Variants in REPS2 observed in about 807,000 individuals in gnomAD.
REPS2 encodes the protein RALBP1 associated Eps domain containing 2.
A neutral mutation model predicts 53.6 loss-of-function variants in REPS2; 23 were observed. The ratio of observed to expected loss-of-function variants is 0.43; its 90% CI spans 0.31 to 0.61. The LOEUF is 0.61. REPS2 is among the 20% of genes least tolerant of loss of function. REPS2 has a pLI of 0.11. For missense variants in REPS2, 446 were observed against 534.9 expected, an observed-to-expected ratio of 0.83 and a Z score of 1.64; for synonymous variants, 238 against 218.6, an observed-to-expected ratio of 1.09 and a Z score of -0.78.
At chrX:17,062,984 A>T (rs1360620877) in intron 9 of REPS2, among the ~76,000 whole-genome samples, 1 of 112,018 alleles carries the variant, frequency 8.9e-6, no homozygotes, top group Non-Finnish European at 1.9e-5. Context: ...CCCAAATCAC[A>T]TTCGGAACTC....
chrX:16,947,119 C>T lies in REPS2; in HGVS notation c.258C>T (p.Ala86=). Residue 86 remains alanine, a synonymous_variant, in exon 1 of 18, where the codon GCC becomes GCT. Transcript: ENST00000357277. ...TGTTTCGGGCATCGCAGCTGCCCGC[C>T]GAGACGCTGCACCAGGTGGGTCCCT... ...ADLFRASQLP[A]ETLHQITELC... 9.2e-7 allele frequency: 1 copy of T among 1,092,693 alleles called. No individual in the cohort carries two copies. Among genetic ancestry groups the T allele is most frequent in the Admixed American group, 3.0e-5 (1 of 33,051 alleles). 90.1% of individuals were successfully genotyped at this position (1,092,693 alleles called of 1,213,427 possible). A position where few individuals can be genotyped will look rare whatever the true frequency, so the allele number is the denominator to read the frequency against.
intron 6 of REPS2, among the ~76,000 whole-genome samples, chrX:17,050,194 C>CTTTCTTTCTTTCTTTCTTTTTT (rs1223989029): frequency 1.9e-5 from 1 of 51,801 alleles, no homozygotes; most frequent in Non-Finnish European, 3.1e-5. Context: ...TTCTTTCTTT[C>CTTTCTTTCTTTCTTTCTTTTTT]TTTTTTTTTT....
At chrX:17,163,126 A>C in the REPS2 span, among the ~76,000 whole-genome samples, 1 of 111,872 alleles carries the variant, frequency 8.9e-6, no homozygotes, top group South Asian at 3.7e-4. Context: ...TTAAAAACTA[A>C]ATGAGAATGT....
chrX:17,179,870 G>A, the REPS2 span, among the ~76,000 whole-genome samples: 1 of 112,097 alleles, frequency 8.9e-6, no homozygotes, highest in African/African-American at 3.2e-5. Context: ...TGTATATCCT[G>A]TTTGTACCTT....
the REPS2 span, among the ~76,000 whole-genome samples, chrX:17,180,624 TCA>T: frequency 0.2 from 20,786 of 104,925 alleles, 2,141 homozygotes; most frequent in African/African-American, 0.39. Flanking sequence ...TCTCTCTCTC[TCA>T]CACACACACA....
intron 17 of REPS2, among the ~76,000 whole-genome samples, chrX:17,144,473 G>A (rs779740570): frequency 8.9e-6 from 1 of 112,456 alleles, no homozygotes; most frequent in Non-Finnish European, 1.9e-5. Flanking sequence ...ATTCTCCTAC[G>A]TAAAATCAAG....
At chrX:16,993,748 T>C (rs748158706) in intron 1 of REPS2, among the ~76,000 whole-genome samples, 3 of 112,426 alleles carry the variant, frequency 2.7e-5, no homozygotes, top group African/African-American at 9.7e-5. Flanking sequence ...TGGTGTGTTA[T>C]ACAGTAGTAG....
Position 16,975,201 on chromosome X carries a change from G to A in REPS2, c.273+28067G>A, listed in dbSNP as rs181414933. On this transcript the variant is annotated intron_variant, in intron 1 of 17. Transcript: ENST00000357277. ...TACGCTTGCATGTGTCTTTATGGTA[G>A]AATGATTTATATTCCTTTGGGTCTA... Among the ~76,000 whole-genome samples, 384 of 112,205 alleles carry A rather than the reference G, an allele frequency of 3.4e-3. 1 individual carries two copies. The highest frequency in any genetic ancestry group is 0.012 in the African/African-American group (369 of 30,886).
At chrX:17,126,997 A>T (rs1014811336) in intron 14 of REPS2, among the ~76,000 whole-genome samples, 2 of 111,976 alleles carry the variant, frequency 1.8e-5, no homozygotes, top group Non-Finnish European at 3.8e-5. Context: ...AATCTGCCTC[A>T]TTTTATTCTG....
Position 17,015,442 on chromosome X carries a change from G to C in REPS2, c.398-6681G>C, listed in dbSNP as rs2061479357. 9.1e-5 allele frequency among the ~76,000 whole-genome samples: 10 copies of C among 109,340 alleles called. No individual in the cohort carries two copies. The Admixed American group carries it at 9.7e-4, about 11-fold the overall frequency. 94.9% of individuals were successfully genotyped at this position (109,340 alleles called of 115,157 possible). A position where few individuals can be genotyped will look rare whatever the true frequency, so the allele number is the denominator to read the frequency against. ...TATTATTATTATACTTTAAGTTTTAGGGTACATGTGCACAACGTGCAGGTT... is the reference window on the plus strand; with the variant it reads ...TATTATTATTATACTTTAAGTTTTACGGTACATGTGCACAACGTGCAGGTT... On this transcript the variant is annotated intron_variant, in intron 2 of 17. Transcript: ENST00000357277.
intron 14 of REPS2, among the ~76,000 whole-genome samples, chrX:17,121,208 G>A (rs1160051465): frequency 8.9e-6 from 1 of 112,152 alleles, no homozygotes; most frequent in East Asian, 2.8e-4. Flanking sequence ...AAACAAGCCT[G>A]TCCAGAGAAA....
At position 16,981,706 on chromosome X, in the gene REPS2, G is replaced by T. The variant is rs112255995; in HGVS notation, c.274-24515G>T. On this transcript the variant is annotated intron_variant, in intron 1 of 17. Transcript: ENST00000357277. ...TTATCCTTACCCGTAGGCAAAAATT[G>T]TATTACATTTATTTTACAGTGATCT... 5.4e-3 allele frequency among the ~76,000 whole-genome samples: 604 copies of T among 111,931 alleles called. 5 individuals are homozygous for T. Among genetic ancestry groups the T allele is most frequent in the African/African-American group, 0.019 (581 of 30,812 alleles).
At chrX:17,034,268 A>G (rs972981816) in intron 5 of REPS2, among the ~76,000 whole-genome samples, 4 of 111,233 alleles carry the variant, frequency 3.6e-5, no homozygotes, top group Non-Finnish European at 5.7e-5. Context: ...ATATATTAAT[A>G]TGTGTGTGTA....
intron 1 of REPS2, among the ~76,000 whole-genome samples, chrX:16,947,783 A>G (rs1274476863): frequency 8.9e-6 from 1 of 112,103 alleles, no homozygotes; most frequent in South Asian, 3.7e-4. Context: ...TTAGAGGTGG[A>G]CTTCAGAAGT....
intron 8 of REPS2, among the ~76,000 whole-genome samples, chrX:17,057,428 G>A (rs1017821448): frequency 8.9e-6 from 1 of 112,738 alleles, no homozygotes; most frequent in Non-Finnish European, 1.9e-5. Flanking sequence ...TAAACATGTT[G>A]GGGGAAGAGT....
chrX:17,038,564 T>C (rs182132360), intron 5 of REPS2, among the ~76,000 whole-genome samples: 27 of 112,789 alleles, frequency 2.4e-4, no homozygotes, highest in African/African-American at 7.7e-4. Flanking sequence ...TCCCTGCCTG[T>C]AACTTGGGTC....
intron 13 of REPS2, among the ~76,000 whole-genome samples, chrX:17,101,950 T>A (rs925198657): frequency 1.8e-5 from 2 of 112,539 alleles, no homozygotes; most frequent in African/African-American, 3.2e-5. Context: ...TTTTTGTTAA[T>A]AAGGAGTTGT....
chrX:17,184,605 C>A, the REPS2 span, among the ~76,000 whole-genome samples: 292 of 109,934 alleles, frequency 2.7e-3, 5 homozygotes, highest in Non-Finnish European at 4.5e-3. Flanking sequence ...AATCGCCACA[C>A]TGACTTCCAC....
intron 14 of REPS2, among the ~76,000 whole-genome samples, chrX:17,133,044 C>T (rs954553630): frequency 3.6e-5 from 4 of 112,587 alleles, no homozygotes; most frequent in African/African-American, 9.7e-5. Context: ...GCATCCCCAG[C>T]GCCTTCAACT....
Sources: allele counts gnomAD v4.1 joint callset (sites outside exome capture counted in the v4.1 genomes callset), GRCh38; gene constraint gnomAD v4.1.1; transcripts MANE v1.5; gene names NCBI Gene and HGNC (gene_info 2026-07-23, HGNC 2026-07-21).